Variants in TSR2 observed in about 807,000 individuals in gnomAD.
The protein encoded by TSR2 is TSR2 ribosome maturation factor.
Under a neutral mutation model 13.3 loss-of-function variants are expected in TSR2, and 1 was observed. The ratio of observed to expected loss-of-function variants is 0.08; its 90% CI spans 0.03 to 0.36. The LOEUF (loss-of-function observed/expected upper bound fraction) is 0.36, where lower values mean the gene tolerates loss of function less well. Ranked by LOEUF, TSR2 falls within the 10% of genes least tolerant of loss-of-function variation. The probability of loss-of-function intolerance (pLI) is 0.99; values close to 1 mark genes in which losing one functional copy is unlikely to be tolerated. For synonymous variants in TSR2, 60 were observed against 57.7 expected, an observed-to-expected ratio of 1.04 and a Z score of -0.18; for missense variants, 120 against 151.1, an observed-to-expected ratio of 0.79 and a Z score of 1.08.
chrX:54,444,712 G>A lies in TSR2; in HGVS notation c.*162G>A, dbSNP rs772655716. On this transcript the variant is annotated 3_prime_UTR_variant, in exon 5 of 5. Transcript: ENST00000375151. ...TCCCTCCAGGGCAAGGAAAACCTAG[G>A]GTCCTTGGTCTTGGGGGTGGGGGGA... The A allele has an allele frequency of 1.9e-4, 94 of 487,884 alleles. No individual in the cohort carries two copies. Among genetic ancestry groups the A allele is most frequent in the South Asian group, 5.1e-5 (1 of 19,482 alleles). 40.2% of individuals were successfully genotyped at this position (487,884 alleles called of 1,213,427 possible).
Position 54,446,488 on chromosome X carries a change from T to C in TSR2, c.*1938T>C. 2.3e-5 allele frequency: 23 copies of C among 1,003,072 alleles called. No homozygotes were observed. Among genetic ancestry groups the C allele is most frequent in the Non-Finnish European group, 3.0e-5 (22 of 727,235 alleles). 82.7% of individuals were successfully genotyped at this position (1,003,072 alleles called of 1,213,427 possible). A position where few individuals can be genotyped will look rare whatever the true frequency, so the allele number is the denominator to read the frequency against. On this transcript the variant is annotated 3_prime_UTR_variant, in exon 5 of 5. Transcript: ENST00000375151. ...CCCCCGCCCCAGCTTCTAACTGGTT[T>C]TGCATATGCTCTGTCTTCAGTCCCC...
chrX:54,441,382 T>A (rs1046735982), intron 2 of TSR2, among the ~76,000 whole-genome samples: 1 of 111,854 alleles, frequency 8.9e-6, no homozygotes, highest in Non-Finnish European at 1.9e-5. Flanking sequence ...GTAGAGGGCC[T>A]GTTGCATAGT....
At chrX:54,440,602 A>G in intron 1 of TSR2, 88 bp from the exon 2 acceptor site, 1 of 1,130,292 alleles carries the variant, frequency 8.8e-7, no homozygotes, top group Non-Finnish European at 1.2e-6. Context: ...GCGGCATAAG[A>G]GGAGTTGGCT....
Position 54,444,670 on chromosome X carries a change from C to A in TSR2, c.*120C>A. The A allele has an allele frequency of 1.3e-6, 1 of 750,788 alleles. No individual in the cohort carries two copies. Among genetic ancestry groups the A allele is most frequent in the South Asian group, 3.3e-5 (1 of 29,906 alleles). The allele number at this position is 750,788 out of a possible 1,213,427, so 61.9% of individuals were successfully genotyped here. ...GGTTACCCCATCTCCACCCTCTCCC[C>A]TGTTCCTCTGTCTGGCTCCCTCCAG... On this transcript the variant is annotated 3_prime_UTR_variant, in exon 5 of 5. Transcript: ENST00000375151.
intron 1 of TSR2, 61 bp downstream of exon 1, chrX:54,440,563 G>T: frequency 8.9e-7 from 1 of 1,128,652 alleles, no homozygotes; most frequent in Non-Finnish European, 1.2e-6. Flanking sequence ...ACAGGAGTTG[G>T]TTGGGCTAGG....
At position 54,441,519 on chromosome X, in the gene TSR2, A is replaced by AT. The variant is rs746541819; in HGVS notation, c.172+743dup. Among the ~76,000 whole-genome samples the AT allele has an allele frequency of 8.9e-5, 10 of 112,256 alleles. No individual in the cohort carries two copies. The South Asian group carries it at 3.7e-3, about 41-fold the overall frequency. On this transcript the variant is annotated intron_variant, in intron 2 of 4. Transcript: ENST00000375151. ...ACGTAAATAGTTACAACATTGATAGATTTTCTGATAAAGAGGAGCTCAGGG... is the reference window on the plus strand; with the variant it reads ...ACGTAAATAGTTACAACATTGATAGATTTTTCTGATAAAGAGGAGCTCAGGG...
chrX:54,446,709 C>T lies in TSR2; in HGVS notation c.*2159C>T, dbSNP rs925245204. On this transcript the variant is annotated 3_prime_UTR_variant, in exon 5 of 5. Transcript: ENST00000375151. ...TCAGGCCTTTGTCTATGCTATTGCC[C>T]CTATCTGCATACTTTTTTTTTTTTT... 5.1e-4 allele frequency among the ~76,000 whole-genome samples: 53 copies of T among 104,871 alleles called. No homozygotes were observed. The highest frequency in any genetic ancestry group is 2.1e-4 in the Admixed American group (2 of 9,722). 91.1% of individuals were successfully genotyped at this position (104,871 alleles called of 115,157 possible). A position where few individuals can be genotyped will look rare whatever the true frequency, so the allele number is the denominator to read the frequency against.
At chrX:54,440,538 A>C in intron 1 of TSR2, 36 bp downstream of exon 1, 1 of 1,140,194 alleles carries the variant, frequency 8.8e-7, no homozygotes, top group African/African-American at 1.8e-5. Context: ...GGTCAAGGTT[A>C]GGGCCCGGGG....
chrX:54,440,967 T>G (rs913304595), intron 2 of TSR2, among the ~76,000 whole-genome samples, 187 bp downstream of exon 2: 5 of 111,545 alleles, frequency 4.5e-5, no homozygotes, highest in Non-Finnish European at 9.4e-5. Context: ...CACTGACTCG[T>G]GGGATTACTC....
At chrX:54,440,593 C>T in intron 1 of TSR2, 91 bp downstream of exon 1, 1 of 1,126,512 alleles carries the variant, frequency 8.9e-7, no homozygotes, top group Non-Finnish European at 1.2e-6. Flanking sequence ...CTTGGCTAGG[C>T]GGCATAAGAG....
chrX:54,445,870 C>T lies in TSR2; in HGVS notation c.*1320C>T, dbSNP rs1177399849. The T allele has an allele frequency of 2.6e-6, 1 of 388,627 alleles. No individual in the cohort carries two copies. Among genetic ancestry groups the T allele is most frequent in the East Asian group, 4.4e-5 (1 of 22,486 alleles). The allele number at this position is 388,627 out of a possible 1,213,427, so 32.0% of individuals were successfully genotyped here. A position where few individuals can be genotyped will look rare whatever the true frequency, so the allele number is the denominator to read the frequency against. On this transcript the variant is annotated 3_prime_UTR_variant, in exon 5 of 5. Coordinates refer to ENST00000375151, the MANE Select transcript of TSR2 (RefSeq NM_058163.3). ...ATTCAGGTAGGACTGGCAACGGCTC[C>T]CACCCTCCCTGGGGACAGGGATTAA...
rs1312702333 is a variant in TSR2 at position 54,447,344 on chromosome X, T to C, written c.*2794T>C. On this transcript the variant is annotated 3_prime_UTR_variant, in exon 5 of 5. Transcript: ENST00000375151. ...CTCCGTAGATATACAGCACCAAGGG[T>C]TCATTTTCAGGGACCACGAACCATG... The C allele has an allele frequency of 8.3e-7, 1 of 1,211,252 alleles. No individual in the cohort carries two copies.
Position 54,447,471 on chromosome X carries a change from C to T in TSR2, c.*2921C>T, listed in dbSNP as rs750474296. 2.2e-5 allele frequency: 26 copies of T among 1,204,332 alleles called. No individual in the cohort carries two copies. The East Asian group carries it at 3.0e-4, about 14-fold the overall frequency. On this transcript the variant is annotated 3_prime_UTR_variant, in exon 5 of 5. Transcript: ENST00000375151. ...GGCCTGTTTCTGTGGCCAGAGACAC[C>T]GGGCATCAATGTTGACAGAAGGCCT...
Position 54,443,426 on chromosome X carries a change from G to A in TSR2, c.199G>A (p.Asp67Asn). ...NADLELDEVE[D>N]FLGELLTNEF... ...TGACTTGGAGCTAGATGAGGTGGAA[G>A]ACTTCCTTGGAGAGCTGTTGACCAA... is the stretch of plus-strand genomic sequence containing the variant. The change falls in exon 3 of 5, where the codon GAC (aspartate) becomes AAC (asparagine). Residue 67 changes from aspartate (D) to asparagine (N), a missense_variant. Physicochemically the swap from Asp to Asn is conservative, Grantham distance 23. Transcript: ENST00000375151. 4 of 1,207,988 alleles carry A rather than the reference G, an allele frequency of 3.3e-6. No individual in the cohort carries two copies. Among genetic ancestry groups the A allele is most frequent in the Non-Finnish European group, 4.5e-6 (4 of 893,927 alleles).
At chrX:54,442,540 G>A (rs951511990) in intron 2 of TSR2, among the ~76,000 whole-genome samples, 7 of 111,685 alleles carry the variant, frequency 6.3e-5, no homozygotes, top group African/African-American at 2.3e-4. Flanking sequence ...AGTTTGAGTG[G>A]TAGGGAAAGC....
Position 54,446,687 on chromosome X carries a change from G to C in TSR2, c.*2137G>C, listed in dbSNP as rs761445127. On this transcript the variant is annotated 3_prime_UTR_variant, in exon 5 of 5. Transcript: ENST00000375151. ...TTTAGCATACCAAATAATGTTTTCA[G>C]GCCTTTGTCTATGCTATTGCCCCTA... 2.0e-5 allele frequency among the ~76,000 whole-genome samples: 2 copies of C among 100,771 alleles called. No homozygotes were observed. The highest frequency in any genetic ancestry group is 9.6e-4 in the South Asian group (2 of 2,083). 87.5% of individuals were successfully genotyped at this position (100,771 alleles called of 115,157 possible).
In TSR2 at chrX:54,440,670, G is replaced by T. The variant is rs767585439; in HGVS notation, c.82-20G>T. 2.5e-6 allele frequency: 3 copies of T among 1,206,862 alleles called. No individual in the cohort carries two copies. The South Asian group carries it at 5.3e-5, about 21-fold the overall frequency. On this transcript the variant is annotated intron_variant, in intron 1 of 4. Coordinates refer to ENST00000375151, the MANE Select transcript of TSR2 (RefSeq NM_058163.3). ...GTCTGCTCCCAAGCTGACTTGGTGGGCTTGGACCTGTGTTTACAGATCGCT... is the reference window on the plus strand; with the variant it reads ...GTCTGCTCCCAAGCTGACTTGGTGGTCTTGGACCTGTGTTTACAGATCGCT...
chrX:54,443,233 TAAA>T (rs1304075932), intron 2 of TSR2, among the ~76,000 whole-genome samples, 164 bp from the exon 3 acceptor site: 1 of 111,886 alleles, frequency 8.9e-6, no homozygotes, highest in African/African-American at 3.2e-5. Flanking sequence ...TAGTGGTTCT[TAAA>T]AAATTGTTAA....
intron 2 of TSR2, among the ~76,000 whole-genome samples, chrX:54,441,447 A>T (rs1921934783): frequency 8.9e-6 from 1 of 112,074 alleles, no homozygotes; most frequent in South Asian, 3.7e-4. Context: ...GACATTAGGC[A>T]GAGTCATCTC....
Sources: gnomAD v4.1 joint callset for allele counts (sites outside exome capture counted in the v4.1 genomes callset) on GRCh38, gnomAD v4.1.1 for gene constraint, MANE v1.5 for transcripts, NCBI Gene and HGNC (gene_info 2026-07-23, HGNC 2026-07-21) for gene names.